Variants in HS3ST3A1 observed in about 807,000 individuals in gnomAD.
The protein encoded by HS3ST3A1 is heparan sulfate-glucosamine 3-sulfotransferase 3A1.
In HS3ST3A1, 19 loss-of-function variants were observed where a neutral mutation model predicts 25.7. The ratio of observed to expected loss-of-function variants is 0.74; its 90% confidence interval spans 0.52 to 1.08. HS3ST3A1 has a LOEUF of 1.08. HS3ST3A1 is among the 50% of genes least tolerant of loss of function. The probability of loss-of-function intolerance (pLI) is 0.00; values close to 1 mark genes in which losing one functional copy is unlikely to be tolerated. For synonymous variants in HS3ST3A1, 226 were observed against 278.6 expected, an observed-to-expected ratio of 0.81 and a Z score of 1.88; for missense variants, 459 against 594.3, an observed-to-expected ratio of 0.77 and a Z score of 2.37.
At chr17:13,600,402 T>A in intron 1 of HS3ST3A1, 129 bp downstream of exon 1, 1 of 1,396,696 alleles carries the variant, frequency 7.2e-7, no homozygotes, top group South Asian at 1.5e-5. Flanking sequence ...GAAAGACCCT[T>A]GACGACCCTT....
intron 1 of HS3ST3A1, among the ~76,000 whole-genome samples, chr17:13,499,885 T>C (rs1905410743): frequency 6.6e-6 from 1 of 152,130 alleles, no homozygotes; most frequent in East Asian, 1.9e-4. Context: ...AGAGTTGGGC[T>C]TAACTATAAG....
At chr17:13,516,190 A>G (rs1292802265) in intron 1 of HS3ST3A1, among the ~76,000 whole-genome samples, 1 of 152,098 alleles carries the variant, frequency 6.6e-6, no homozygotes, top group Non-Finnish European at 1.5e-5. Flanking sequence ...CGTGCCTGTA[A>G]TCCCAGCTAC....
intron 1 of HS3ST3A1, among the ~76,000 whole-genome samples, chr17:13,518,763 C>A (rs968275557): frequency 6.6e-6 from 1 of 152,122 alleles, no homozygotes; most frequent in Admixed American, 6.6e-5. Context: ...CCAGGAAAGC[C>A]CTCCCTAGGT....
chr17:13,513,466 G>C (rs948533032), intron 1 of HS3ST3A1, among the ~76,000 whole-genome samples: 1 of 152,158 alleles, frequency 6.6e-6, no homozygotes, highest in Admixed American at 6.5e-5. Context: ...AAAATTCCCA[G>C]AGAAGCACAA....
intron 1 of HS3ST3A1, among the ~76,000 whole-genome samples, chr17:13,594,965 C>T (rs931537545): frequency 2.6e-5 from 4 of 152,192 alleles, no homozygotes; most frequent in African/African-American, 9.7e-5. Context: ...GGTGGCGCTA[C>T]ATATCACATT....
intron 1 of HS3ST3A1, chr17:13,543,485 C>T (rs2099463810): frequency 1.2e-5 from 2 of 167,952 alleles, no homozygotes; most frequent in African/African-American, 2.4e-5. Context: ...TGGAATCAGT[C>T]TGAAGAAGAG....
rs528518207 is a variant in HS3ST3A1, at chr17:13,495,154, T to A, written c.*1043A>T. Among the ~76,000 whole-genome samples the A allele has an allele frequency of 3.4e-4, 52 of 152,248 alleles. No homozygotes were observed. Among genetic ancestry groups the A allele is most frequent in the Admixed American group, 7.8e-4 (12 of 15,300 alleles). On this transcript the variant is annotated 3_prime_UTR_variant, in exon 2 of 2. Coordinates refer to ENST00000284110, the MANE Select transcript of HS3ST3A1 (RefSeq NM_006042.3). ...ATTGAAATCTGTTTCTTTTTTTTTT[T>A]TAAAGTCAATTAAATCAACAAATGG...
rs1266482854 is a variant in HS3ST3A1, at chr17:13,600,643, C to A, written c.487G>T (p.Gly163Cys). The A allele has an allele frequency of 5.0e-6, 8 of 1,594,804 alleles. No individual in the cohort carries two copies. Among genetic ancestry groups the A allele is most frequent in the Non-Finnish European group, 6.8e-6 (8 of 1,176,134 alleles). ...PQAIIIGVKK[G>C]GTRALLEFLR... ...AACTCCAGCAGCGCCCGCGTGCCGCCCTTCTTCACTCCGATGATGATGGCC... is the reference window on the plus strand; with the variant it reads ...AACTCCAGCAGCGCCCGCGTGCCGCACTTCTTCACTCCGATGATGATGGCC... Residue 163 changes from glycine to cysteine, a missense_variant, in exon 1 of 2, where the codon GGC (glycine) becomes TGC (cysteine). Coordinates refer to ENST00000284110, the MANE Select transcript of HS3ST3A1 (RefSeq NM_006042.3).
intron 1 of HS3ST3A1, among the ~76,000 whole-genome samples, chr17:13,596,075 T>C (rs1371380276): frequency 6.6e-6 from 1 of 152,106 alleles, no homozygotes; most frequent in Non-Finnish European, 1.5e-5. Flanking sequence ...TTGGCCAGGG[T>C]ATTTTCTTTT....
chr17:13,588,541 C>T (rs1305648364), intron 1 of HS3ST3A1, among the ~76,000 whole-genome samples: 1 of 152,156 alleles, frequency 6.6e-6, no homozygotes, highest in Non-Finnish European at 1.5e-5. Flanking sequence ...TCCACTATAG[C>T]AAATACATTT....
At chr17:13,551,410 C>G (rs906149650) in intron 1 of HS3ST3A1, among the ~76,000 whole-genome samples, 1 of 151,234 alleles carries the variant, frequency 6.6e-6, no homozygotes, top group African/African-American at 2.4e-5. Context: ...AATACAGGAT[C>G]ACCATTTACT....
chr17:13,597,376 G>A (rs1343132558), intron 1 of HS3ST3A1, among the ~76,000 whole-genome samples: 1 of 152,038 alleles, frequency 6.6e-6, no homozygotes, highest in Non-Finnish European at 1.5e-5. Flanking sequence ...CTACAGTAGA[G>A]GTATTCGGTC....
intron 1 of HS3ST3A1, 59 bp from the exon 2 acceptor site, chr17:13,496,877 A>C: frequency 6.4e-7 from 1 of 1,565,652 alleles, no homozygotes; most frequent in Non-Finnish European, 8.7e-7. Context: ...CCCAGGAGAG[A>C]CTGTCAAGTA....
chr17:13,554,293 G>C (rs1467441331), intron 1 of HS3ST3A1, among the ~76,000 whole-genome samples: 1 of 152,194 alleles, frequency 6.6e-6, no homozygotes, highest in African/African-American at 2.4e-5. Context: ...TTCCAGAAAA[G>C]TAGCAGGAAA....
intron 1 of HS3ST3A1, among the ~76,000 whole-genome samples, chr17:13,585,312 G>C (rs1908227743): frequency 7.2e-6 from 1 of 139,480 alleles, no homozygotes; most frequent in Admixed American, 8.1e-5. Flanking sequence ...CGATTCTCCT[G>C]CTTCAGCCTC....
At chr17:13,503,173 C>CAAAAAAA (rs144678351) in intron 1 of HS3ST3A1, among the ~76,000 whole-genome samples, 3 of 86,848 alleles carry the variant, frequency 3.5e-5, no homozygotes, top group African/African-American at 4.2e-5. Flanking sequence ...GACTCCATCT[C>CAAAAAAA]AAAAAAAAAA....
At position 13,505,646 on chromosome 17, in the gene HS3ST3A1, CA is replaced by C. The variant is rs546485312; in HGVS notation, c.600-8829del. On this transcript the variant is annotated intron_variant, in intron 1 of 1. Coordinates refer to ENST00000284110, the MANE Select transcript of HS3ST3A1 (RefSeq NM_006042.3). ...ATGACTGAAACAATGTAGACATCTT[CA>C]AAAAAAAAAGGCGGAAAAGAATAAA... Among the ~76,000 whole-genome samples the C allele has an allele frequency of 6.4e-3, 897 of 139,454 alleles. 1 individual carries two copies. Among genetic ancestry groups the C allele is most frequent in the African/African-American group, 0.015 (570 of 37,872 alleles). 91.5% of individuals were successfully genotyped at this position (139,454 alleles called of 152,430 possible).
At chr17:13,523,561 C>T (rs1220200200) in intron 1 of HS3ST3A1, among the ~76,000 whole-genome samples, 2 of 152,140 alleles carry the variant, frequency 1.3e-5, no homozygotes, top group East Asian at 1.9e-4. Flanking sequence ...GCTATTGCCC[C>T]TGGAAAGAAC....
At chr17:13,592,409 T>C (rs1908450987) in intron 1 of HS3ST3A1, among the ~76,000 whole-genome samples, 1 of 152,210 alleles carries the variant, frequency 6.6e-6, no homozygotes, top group African/African-American at 2.4e-5. Context: ...TCTAAAATGA[T>C]AGATTTCATC....
Sources: allele counts gnomAD v4.1 joint callset (sites outside exome capture counted in the v4.1 genomes callset), GRCh38; gene constraint gnomAD v4.1.1; transcripts MANE v1.5; gene names NCBI Gene and HGNC (gene_info 2026-07-23, HGNC 2026-07-21).